RUBCN: variants seen among roughly 807,000 people sequenced by gnomAD.
RUBCN encodes run domain Beclin-1-interacting and cysteine-rich domain-containing protein.
In RUBCN, 74 loss-of-function variants were observed where a neutral mutation model predicts 113.2. The ratio of observed to expected loss-of-function variants is 0.65; its 90% CI spans 0.54 to 0.79. The LOEUF is 0.79. Ranked by LOEUF, RUBCN falls within the 30% of genes least tolerant of loss-of-function variation. The pLI, the probability that RUBCN is intolerant of heterozygous loss-of-function variation, is 0.00. For missense variants in RUBCN, 1,109 were observed against 1,251.7 expected (o/e 0.89, Z 1.72); for synonymous variants, 480 against 490.0 (o/e 0.98, Z 0.27).
chr3:197,695,551 T>C (rs1412394045), intron 9 of RUBCN, among the ~76,000 whole-genome samples: 1 of 152,112 alleles, frequency 6.6e-6, no homozygotes, highest in Admixed American at 6.6e-5. Flanking sequence ...TAGTGAGCCA[T>C]GACCGTGACA....
intron 1 of RUBCN, among the ~76,000 whole-genome samples, chr3:197,721,268 T>C (rs1238608824): frequency 6.6e-6 from 1 of 152,224 alleles, no homozygotes; most frequent in African/African-American, 2.4e-5. Flanking sequence ...AGGAGACTCA[T>C]TACCGATTCC....
chr3:197,689,108 C>T (rs910262260), intron 11 of RUBCN, among the ~76,000 whole-genome samples: 2 of 151,788 alleles, frequency 1.3e-5, no homozygotes, highest in Non-Finnish European at 2.9e-5. Context: ...TCACTGTAGC[C>T]TCAACCTCCC....
In RUBCN at chr3:197,701,753, C is replaced by CA; in HGVS notation, c.681dup (p.Gly228TrpfsTer5). ...GATTGGTGGAGGCTAGAGAAGGACC[C>CA]AAAGTAGGAATGCTGAGCATAGCTG... On this transcript the variant is annotated frameshift_variant, in exon 6 of 20. Transcript: ENST00000296343. LOFTEE classifies it high-confidence loss of function. The CA allele has an allele frequency of 1.9e-6, 3 of 1,614,074 alleles. No individual in the cohort carries two copies. Among genetic ancestry groups the CA allele is most frequent in the Non-Finnish European group, 2.5e-6 (3 of 1,179,980 alleles).
chr3:197,736,912 T>G, upstream of RUBCN: 1 of 1,357,030 alleles, frequency 7.4e-7, no homozygotes, highest in South Asian at 1.8e-5. Flanking sequence ...CACCCCCACT[T>G]CCGGCTCCGG....
At chr3:197,722,693 T>A (rs1486758855) in intron 1 of RUBCN, among the ~76,000 whole-genome samples, 1 of 151,904 alleles carries the variant, frequency 6.6e-6, no homozygotes, top group Non-Finnish European at 1.5e-5. Context: ...TTTGCTGAAT[T>A]GACTCTTTAT....
At position 197,705,146 on chromosome 3, in the gene RUBCN, C is replaced by A. The variant is rs1382264332; in HGVS notation, c.249G>T (p.Gln83His). 13 of 1,614,088 alleles carry A rather than the reference C, an allele frequency of 8.1e-6. No homozygotes were observed. The highest frequency in any genetic ancestry group is 1.1e-5 in the Non-Finnish European group (13 of 1,180,034). Residue 83 changes from glutamine to histidine, a missense_variant, in exon 3 of 20, where the codon CAG (glutamine) becomes CAT (histidine). Physicochemically the swap from Gln to His is conservative, Grantham distance 24. Transcript: ENST00000296343. ...QACRRQTDYW[Q>H]FVKDIRWLSP... ...TGAGCCACCGGATGTCTTTCACGAA[C>A]TGCCAGTAATCCGTCTGGCGGCGGC...
In RUBCN at chr3:197,675,063, G is replaced by A. The variant is rs114222731; in HGVS notation, c.2874C>T (p.Pro958=). ...CGGCTTCCAGGGCCAGCGCTTCCGC[G>A]GGCTCCTCCTCGTAGTCTGACAGGT... is the stretch of plus-strand genomic sequence containing the variant. ...ESYLSDYEEE[P]AEALALEAAV... The change falls in exon 20 of 20, where the codon CCC becomes CCT. Residue 958 remains proline, a synonymous_variant. Transcript: ENST00000296343. The surrounding 1 kb of genome is among the most constrained non-coding windows in gnomAD (Gnocchi z 4.4). 23,263 of 1,613,220 alleles carry A rather than the reference G, an allele frequency of 0.014. 213 individuals are homozygous for A. The highest frequency in any genetic ancestry group is 0.017 in the Non-Finnish European group (20,596 of 1,179,912).
Position 197,675,364 on chromosome 3 carries a change from G to T in RUBCN, c.2740+58C>A. On this transcript the variant is annotated intron_variant, in intron 19 of 19. Transcript: ENST00000296343. The surrounding 1 kb of genome is among the most constrained non-coding windows in gnomAD (Gnocchi z 4.4). ...ACTCTTGCTAACAGGGGTGGCTCTG[G>T]GGAATCAAGGAGCCCTGTGTTCAGG... is the stretch of plus-strand genomic sequence containing the variant. The T allele has an allele frequency of 6.5e-7, 1 of 1,539,434 alleles. No homozygotes were observed. Among genetic ancestry groups the T allele is most frequent in the South Asian group, 1.1e-5 (1 of 89,520 alleles).
chr3:197,704,663 A>C lies in RUBCN; in HGVS notation c.342T>G (p.Asp114Glu), dbSNP rs748260851. 1 of 1,614,046 alleles carries C rather than the reference A, an allele frequency of 6.2e-7. No homozygotes were observed. Among genetic ancestry groups the C allele is most frequent in the East Asian group, 2.2e-5 (1 of 44,888 alleles). The change falls in exon 4 of 20, where the codon GAT (aspartate) becomes GAG (glutamate). Residue 114 changes from aspartate to glutamate, a missense_variant. By Grantham distance (45) the Asp-to-Glu change is conservative. Transcript: ENST00000296343. Reference sequence around the variant, plus strand: ...CGGCAACAGCACGTTCACTGGCACCATCAGCACTGCTCTGGTCGTTCTCGT... The same window carrying C: ...CGGCAACAGCACGTTCACTGGCACCCTCAGCACTGCTCTGGTCGTTCTCGT... ...SVHENDQSSA[D>E]GASERAVAEL...
intron 8 of RUBCN, among the ~76,000 whole-genome samples, chr3:197,696,233 A>C (rs1208721170): frequency 2.0e-5 from 3 of 152,040 alleles, no homozygotes; most frequent in Non-Finnish European, 4.4e-5. Flanking sequence ...TTAGCTGGGC[A>C]TGGTGGCACA....
In RUBCN at chr3:197,718,122, T is replaced by C. The variant is rs748776082; in HGVS notation, c.74A>G (p.His25Arg). The change falls in exon 2 of 20, where the codon CAC becomes CGC. Residue 25 changes from histidine to arginine, a missense_variant. His to Arg is a conservative substitution (Grantham distance 29, BLOSUM62 0). Around this residue, in one of 3 missense-constraint regions of RUBCN, gnomAD observed 736 missense variants for 779.6 expected, o/e 0.94. Transcript: ENST00000296343. ...ERLPEESRRE[H>R]WQLLGNLKTT... is the part of the protein sequence containing the mutation. ...CTTCAAATTACCCAGCAACTGCCAG[T>C]GCTCCCTCCTGCAAGGGCATCAGTT... The C allele has an allele frequency of 1.2e-6, 2 of 1,614,106 alleles. No individual in the cohort carries two copies. The highest frequency in any genetic ancestry group is 1.7e-6 in the Non-Finnish European group (2 of 1,180,042).
intron 1 of RUBCN, 71 bp downstream of exon 1, chr3:197,736,584 C>G (rs1728156330): frequency 2.2e-5 from 32 of 1,469,478 alleles, no homozygotes; most frequent in Non-Finnish European, 2.8e-5. Context: ...TCCGTGACCC[C>G]GCGCCCTCCC....
At chr3:197,682,373 G>T in intron 14 of RUBCN, 97 bp downstream of exon 14, 3 of 1,424,760 alleles carry the variant, frequency 2.1e-6, no homozygotes, top group South Asian at 1.2e-5. Flanking sequence ...GTGTGGGAAG[G>T]ACAGCTGGAG....
intron 7 of RUBCN, among the ~76,000 whole-genome samples, chr3:197,698,731 C>T (rs561981287): frequency 5.3e-5 from 8 of 150,458 alleles, no homozygotes; most frequent in Admixed American, 1.3e-4. Context: ...TGGTGGATCA[C>T]GCCTGTAATC....
Position 197,682,414 on chromosome 3 carries a change from G to C in RUBCN, c.2126+56C>G. On this transcript the variant is annotated intron_variant, in intron 14 of 19. Transcript: ENST00000296343. ...GACAAGTGGGTGAGACGAAAACCCT[G>C]ACAATCCAAAGAGGACGGATCTGTG... 7 of 1,607,350 alleles carry C rather than the reference G, an allele frequency of 4.4e-6. No individual in the cohort carries two copies. In the South Asian group the frequency reaches 7.8e-5, roughly 18 times the overall value.
At chr3:197,739,468 C>T (rs1728421282), upstream of RUBCN, among the ~76,000 whole-genome samples, 1 of 149,044 alleles carries the variant, frequency 6.7e-6, no homozygotes, top group Non-Finnish European at 1.5e-5. Flanking sequence ...TCAAGGCGGG[C>T]AGATCACGAG....
chr3:197,740,763 G>A (rs1303451832), upstream of RUBCN, among the ~76,000 whole-genome samples: 1 of 151,874 alleles, frequency 6.6e-6, no homozygotes, highest in Admixed American at 6.6e-5. Context: ...TGGGATTACA[G>A]GTGCCCAACA....
At position 197,681,350 on chromosome 3, in the gene RUBCN, G is replaced by T. The variant is rs770720829; in HGVS notation, c.2209C>A (p.Arg737=). 10 of 1,611,890 alleles carry T rather than the reference G, an allele frequency of 6.2e-6. No individual in the cohort carries two copies. Among genetic ancestry groups the T allele is most frequent in the Non-Finnish European group, 7.6e-6 (9 of 1,177,934 alleles). ...RTDPDYIKRL[R]YCEYLGKYFC... is the part of the protein sequence containing the mutation. ...TACTTGCCCAGGTACTCACAGTACC[G>T]CAGTCGCTTGATGTAATCTGGAAAA... is the stretch of plus-strand genomic sequence containing the variant. The change falls in exon 16 of 20, where the codon CGG becomes AGG. Residue 737 remains arginine, a synonymous_variant. Coordinates refer to ENST00000296343, the MANE Select transcript of RUBCN (RefSeq NM_014687.4). This position sits in a 1 kb window ranked among gnomAD's most constrained non-coding sequence, Gnocchi z 5.5.
chr3:197,705,216 C>A, intron 2 of RUBCN, 41 bp from the exon 3 acceptor site: 1 of 1,556,880 alleles, frequency 6.4e-7, no homozygotes, highest in Non-Finnish European at 8.9e-7. Flanking sequence ...CACGACCATT[C>A]TGGACCAGAT....
Sources: gnomAD v4.1 joint callset for allele counts (sites outside exome capture counted in the v4.1 genomes callset) on GRCh38, gnomAD v4.1.1 for gene constraint, gnomAD v4.1.1 regional missense constraint, Gnocchi (gnomAD v3.1) non-coding constraint, MANE v1.5 for transcripts, NCBI Gene and HGNC (gene_info 2026-07-23, HGNC 2026-07-21) for gene names.